The following NCKAP5 variants were observed in gnomAD, a reference collection of about 807,000 sequenced individuals.
The protein encoded by NCKAP5 is nck-associated protein 5.
In NCKAP5, 92 loss-of-function variants were observed where a neutral mutation model predicts 167.0. That is an observed-to-expected ratio of 0.55 (90% confidence interval 0.47 to 0.66). NCKAP5 has a LOEUF of 0.66. NCKAP5 is among the 30% of genes least tolerant of loss of function. The pLI, the probability that NCKAP5 is intolerant of heterozygous loss-of-function variation, is 0.00. For synonymous variants in NCKAP5, 891 were observed against 877.4 expected, an observed-to-expected ratio of 1.02 and a Z score of -0.27; for missense variants, 2,378 against 2,315.0, an observed-to-expected ratio of 1.03 and a Z score of -0.56.
chr2:133,144,299 A>T (rs2149851720), intron 5 of NCKAP5, among the ~76,000 whole-genome samples: 1 of 152,270 alleles, frequency 6.6e-6, no homozygotes, highest in Middle Eastern at 3.4e-3. Context: ...GATAATACAT[A>T]GACTAATGTG....
chr2:133,437,172 T>C (rs961374130), intron 3 of NCKAP5, among the ~76,000 whole-genome samples: 1 of 151,716 alleles, frequency 6.6e-6, no homozygotes, highest in Non-Finnish European at 1.5e-5. Context: ...GCTAACATGG[T>C]GAAACCCCGT....
intron 4 of NCKAP5, among the ~76,000 whole-genome samples, chr2:133,286,559 A>G (rs10496704): frequency 0.15 from 23,178 of 152,230 alleles, 1,766 homozygotes; most frequent in African/African-American, 0.17. Context: ...ATTAACAATT[A>G]GTACCACTAG....
At chr2:132,900,538 A>T (rs895370025) in intron 8 of NCKAP5, among the ~76,000 whole-genome samples, 1 of 152,200 alleles carries the variant, frequency 6.6e-6, no homozygotes, top group African/African-American at 2.4e-5. Flanking sequence ...ATGACATCAG[A>T]TCTATACTGG....
chr2:132,720,527 C>T (rs1257563399), intron 19 of NCKAP5, among the ~76,000 whole-genome samples: 1 of 152,180 alleles, frequency 6.6e-6, no homozygotes, highest in African/African-American at 2.4e-5. Context: ...GGCCACAGCC[C>T]ACTCTGTTTT....
intron 3 of NCKAP5, among the ~76,000 whole-genome samples, chr2:133,479,622 C>T (rs1680245869): frequency 1.3e-5 from 2 of 152,146 alleles, no homozygotes; most frequent in African/African-American, 4.8e-5. Context: ...TAAATATGTA[C>T]AAACAGTATG....
intron 3 of NCKAP5, among the ~76,000 whole-genome samples, chr2:133,326,224 G>A (rs749567881): frequency 9.9e-5 from 15 of 152,154 alleles, no homozygotes; most frequent in Non-Finnish European, 1.5e-4. Flanking sequence ...GGGAGGCCGA[G>A]GCAGGCGGAT....
intron 16 of NCKAP5, among the ~76,000 whole-genome samples, chr2:132,762,141 C>T (rs142135570): frequency 3.7e-4 from 57 of 152,210 alleles, no homozygotes; most frequent in African/African-American, 1.2e-3. Flanking sequence ...CTTCAAATAG[C>T]GACCATCACA....
At chr2:132,788,400 G>A (rs1402321894) in intron 13 of NCKAP5, among the ~76,000 whole-genome samples, 1 of 152,150 alleles carries the variant, frequency 6.6e-6, no homozygotes, top group Non-Finnish European at 1.5e-5. Context: ...ACCTCACCAC[G>A]TTTCAGGCTG....
At chr2:133,109,557 T>C (rs28609125) in intron 6 of NCKAP5, among the ~76,000 whole-genome samples, 1,539 of 152,318 alleles carry the variant, frequency 0.01, 32 homozygotes, top group African/African-American at 0.036. Context: ...TGCTCTATTT[T>C]ATTTATAATT....
intron 3 of NCKAP5, among the ~76,000 whole-genome samples, chr2:133,502,359 C>T (rs902387512): frequency 1.3e-5 from 2 of 152,182 alleles, no homozygotes; most frequent in African/African-American, 2.4e-5. Flanking sequence ...CGAATGGTGG[C>T]TGATTTCCAA....
At chr2:133,608,914 A>G in the NCKAP5 span, among the ~76,000 whole-genome samples, 3 of 152,226 alleles carry the variant, frequency 2.0e-5, no homozygotes, top group Admixed American at 2.0e-4. Context: ...TCCCAGACCA[A>G]CCACACTGAA....
At position 132,672,253 on chromosome 2, in the gene NCKAP5, T is replaced by C. The variant is rs1683842378; in HGVS notation, c.*1036A>G. On this transcript the variant is annotated 3_prime_UTR_variant, in exon 20 of 20. Coordinates refer to ENST00000409261, the MANE Select transcript of NCKAP5 (RefSeq NM_207363.3). ...AAAGAGCAAGAAGATAAAAATCAAA[T>C]AATATTCAGGATCATAGAGAAGCAC... 6.6e-6 allele frequency: 1 copy of C among 152,526 alleles called. No homozygotes were observed. The highest frequency in any genetic ancestry group is 2.4e-5 in the African/African-American group (1 of 41,442). 9.4% of individuals were successfully genotyped at this position (152,526 alleles called of 1,614,324 possible).
At chr2:132,898,151 CG>C (rs1306353163) in intron 8 of NCKAP5, among the ~76,000 whole-genome samples, 1 of 152,188 alleles carries the variant, frequency 6.6e-6, no homozygotes, top group Non-Finnish European at 1.5e-5. Flanking sequence ...CTGAAATCTT[CG>C]TTGTCATTTC....
chr2:133,242,564 C>T lies in NCKAP5; in HGVS notation c.144-28785G>A, dbSNP rs57010177. Among the ~76,000 whole-genome samples the T allele has an allele frequency of 3.8e-3, 585 of 152,250 alleles. 13 individuals carry two copies. The South Asian group carries it at 0.058, about 15-fold the overall frequency. ...TAAGAGTGTTGGAGTGGGTAGCTAACGGAGATTCTACCTTTAACTATATTA... is the reference window on the plus strand; with the variant it reads ...TAAGAGTGTTGGAGTGGGTAGCTAATGGAGATTCTACCTTTAACTATATTA... On this transcript the variant is annotated intron_variant, in intron 4 of 19. Coordinates refer to ENST00000409261, the MANE Select transcript of NCKAP5 (RefSeq NM_207363.3).
chr2:133,169,067 G>T (rs906481642), intron 5 of NCKAP5, among the ~76,000 whole-genome samples: 1 of 152,060 alleles, frequency 6.6e-6, no homozygotes, highest in African/African-American at 2.4e-5. Flanking sequence ...AGCATAAGGG[G>T]GACTATACAG....
chr2:132,875,821 T>C (rs1261852779), intron 9 of NCKAP5, among the ~76,000 whole-genome samples: 1 of 152,156 alleles, frequency 6.6e-6, no homozygotes, highest in Non-Finnish European at 1.5e-5. Flanking sequence ...TAGGGAGCAG[T>C]AGCGGTGAGG....
chr2:133,319,171 C>CCCCCCCCCCG (rs1574689046), intron 3 of NCKAP5, among the ~76,000 whole-genome samples: 2 of 150,426 alleles, frequency 1.3e-5, no homozygotes, highest in African/African-American at 4.9e-5. Context: ...CCTTCCACCC[C>CCCCCCCCCCG]CTGCATTTTC....
chr2:133,555,423 T>C (rs1687671815), intron 2 of NCKAP5, among the ~76,000 whole-genome samples: 1 of 152,218 alleles, frequency 6.6e-6, no homozygotes, highest in Non-Finnish European at 1.5e-5. Flanking sequence ...CTATATTGCA[T>C]ATACAAGGCT....
intron 11 of NCKAP5, among the ~76,000 whole-genome samples, chr2:132,846,934 T>C (rs1222249981): frequency 6.6e-6 from 1 of 150,376 alleles, no homozygotes; most frequent in East Asian, 2.0e-4. Context: ...AGAGAATGAT[T>C]TGTGTATTTC....
Sources: gnomAD v4.1 joint callset for allele counts (sites outside exome capture counted in the v4.1 genomes callset) on GRCh38, gnomAD v4.1.1 for gene constraint, MANE v1.5 for transcripts, NCBI Gene and HGNC (gene_info 2026-07-23, HGNC 2026-07-21) for gene names.